Variants in CYP51A1 observed in about 807,000 individuals in gnomAD.
The protein encoded by CYP51A1 is lanosterol 14-alpha demethylase.
Under a neutral mutation model 53.5 loss-of-function variants are expected in CYP51A1, and 45 were observed. The observed-to-expected ratio is 0.84, with a 90% CI of 0.66 to 1.08. The LOEUF is 1.08. Among genes scored for constraint, CYP51A1 ranks in the 50% least tolerant of loss-of-function variants. CYP51A1 has a pLI of 0.00. For missense variants in CYP51A1, 462 were observed against 621.7 expected, an observed-to-expected ratio of 0.74 and a Z score of 2.73; for synonymous variants, 181 against 217.7, an observed-to-expected ratio of 0.83 and a Z score of 1.48.
At chr7:92,130,147 G>T (rs1002707219) in intron 2 of CYP51A1, among the ~76,000 whole-genome samples, 7 of 152,188 alleles carry the variant, frequency 4.6e-5, no homozygotes, top group Non-Finnish European at 7.3e-5. Flanking sequence ...AAATATAGTT[G>T]TAATAAAATC....
rs1819433766 is a variant in CYP51A1, at chr7:92,112,661, T to G, written c.*1004A>C. 1 of 151,888 alleles carries G rather than the reference T, an allele frequency of 6.6e-6. No homozygotes were observed. Among genetic ancestry groups the G allele is most frequent in the Non-Finnish European group, 1.5e-5 (1 of 67,980 alleles). 9.4% of individuals were successfully genotyped at this position (151,888 alleles called of 1,614,324 possible). ...TAGCCAACATAGTGAAACCCCCGTC[T>G]CTACTAAAAATACAAAAAATTAGCC... is the stretch of plus-strand genomic sequence containing the variant. On this transcript the variant is annotated 3_prime_UTR_variant, in exon 10 of 10. Transcript: ENST00000003100.
chr7:92,120,257 T>C (rs1469900055), intron 7 of CYP51A1, among the ~76,000 whole-genome samples: 1 of 152,150 alleles, frequency 6.6e-6, no homozygotes, highest in South Asian at 2.1e-4. Flanking sequence ...ACTGACACAC[T>C]GACCCCAAAA....
At chr7:92,130,468 A>G (rs915065062) in intron 2 of CYP51A1, among the ~76,000 whole-genome samples, 3 of 152,220 alleles carry the variant, frequency 2.0e-5, no homozygotes, top group African/African-American at 7.2e-5. Context: ...GCCACTGTCT[A>G]GCAGTGAGTC....
At chr7:92,122,758 G>A (rs971257086) in intron 7 of CYP51A1, among the ~76,000 whole-genome samples, 5 of 152,082 alleles carry the variant, frequency 3.3e-5, no homozygotes, top group African/African-American at 4.8e-5. Context: ...CTCATGCCCA[G>A]GCCACTCTGG....
At chr7:92,117,326 TTATGA>T (rs1819599249) in intron 8 of CYP51A1, 114 bp from the exon 9 acceptor site, 1 of 828,746 alleles carries the variant, frequency 1.2e-6, no homozygotes, top group Non-Finnish European at 1.8e-6. Context: ...GCTCCTTGAC[TTATGA>T]TAGGTTTACA....
chr7:92,134,165 G>GT lies in CYP51A1; in HGVS notation c.192+7dup. On this transcript the variant is annotated splice_region_variant and intron_variant, in intron 1 of 9. Transcript: ENST00000003100. ...GCGCCCCACTCAGACCCTAAAGAAT[G>GT]TACGTACCACCCCTGCGGGCAGCTG... The GT allele has an allele frequency of 2.5e-6, 4 of 1,611,182 alleles. No individual in the cohort carries two copies. Among genetic ancestry groups the GT allele is most frequent in the Non-Finnish European group, 3.4e-6 (4 of 1,179,522 alleles).
intron 5 of CYP51A1, among the ~76,000 whole-genome samples, chr7:92,125,314 C>T (rs1019817768): frequency 1.3e-5 from 2 of 152,100 alleles, no homozygotes; most frequent in African/African-American, 2.4e-5. Flanking sequence ...TCTCTCCTGG[C>T]TCTTCCTTTT....
chr7:92,132,421 T>C (rs926613682), intron 1 of CYP51A1, among the ~76,000 whole-genome samples: 1 of 152,222 alleles, frequency 6.6e-6, no homozygotes, highest in Admixed American at 6.5e-5. Flanking sequence ...ATATAAACTG[T>C]TATTAAACTG....
rs1819382784 is a variant in CYP51A1, at chr7:92,112,302, G to A, written c.*1363C>T. On this transcript the variant is annotated 3_prime_UTR_variant, in exon 10 of 10. Coordinates refer to ENST00000003100, the MANE Select transcript of CYP51A1 (RefSeq NM_000786.4). ...ATCACCTAGTGAAAACAGACGATGTGGTATTTTTTCAGCCATCTCATATAG... is the reference window on the plus strand; with the variant it reads ...ATCACCTAGTGAAAACAGACGATGTAGTATTTTTTCAGCCATCTCATATAG... The A allele has an allele frequency of 6.6e-6, 1 of 151,992 alleles. No individual in the cohort carries two copies. Among genetic ancestry groups the A allele is most frequent in the Non-Finnish European group, 1.5e-5 (1 of 68,000 alleles). 9.4% of individuals were successfully genotyped at this position (151,992 alleles called of 1,614,324 possible).
At chr7:92,117,239 T>C in intron 8 of CYP51A1, 27 bp from the exon 9 acceptor site, 1 of 1,591,254 alleles carries the variant, frequency 6.3e-7, no homozygotes, top group South Asian at 1.1e-5. Context: ...CACATTTCAT[T>C]AGAGAATTTA....
chr7:92,121,342 T>C (rs1030067677), intron 7 of CYP51A1, among the ~76,000 whole-genome samples: 2 of 151,774 alleles, frequency 1.3e-5, no homozygotes, highest in African/African-American at 4.8e-5. Flanking sequence ...AGTAACAAGT[T>C]TGGTGAGGGG....
chr7:92,116,899 TAAAG>T (rs1415880477), intron 9 of CYP51A1, 141 bp downstream of exon 9: 15 of 654,896 alleles, frequency 2.3e-5, no homozygotes, highest in Non-Finnish European at 3.7e-5. Flanking sequence ...CTCCAACTTA[TAAAG>T]ATTCTTCTCC....
At chr7:92,116,509 G>A (rs1819581351) in intron 9 of CYP51A1, among the ~76,000 whole-genome samples, 1 of 152,096 alleles carries the variant, frequency 6.6e-6, no homozygotes, top group East Asian at 1.9e-4. Context: ...GAGAAACAAG[G>A]GTATAGCTAA....
At chr7:92,114,349 A>G (rs1819537515) in intron 9 of CYP51A1, among the ~76,000 whole-genome samples, 1 of 152,228 alleles carries the variant, frequency 6.6e-6, no homozygotes, top group African/African-American at 2.4e-5. Flanking sequence ...AGGACCTAGG[A>G]TATCCAAAGC....
intron 7 of CYP51A1, among the ~76,000 whole-genome samples, chr7:92,120,977 C>T (rs1819680230): frequency 1.3e-5 from 2 of 152,032 alleles, no homozygotes; most frequent in Admixed American, 1.3e-4. Context: ...TCACTAGTCA[C>T]CAGGGAAATG....
In CYP51A1 at chr7:92,112,224, T is replaced by C. The variant is rs1183380716; in HGVS notation, c.*1441A>G. 1 of 152,188 alleles carries C rather than the reference T, an allele frequency of 6.6e-6. No homozygotes were observed. 9.4% of individuals were successfully genotyped at this position (152,188 alleles called of 1,614,324 possible). On this transcript the variant is annotated 3_prime_UTR_variant, in exon 10 of 10. Transcript: ENST00000003100. ...CTTCACAATTAGAGTTTAACATGAG[T>C]CTTCCAGTGTTTTAAAAAGAACTGT...
intron 7 of CYP51A1, among the ~76,000 whole-genome samples, chr7:92,121,440 A>G (rs2130947231): frequency 6.6e-6 from 1 of 152,252 alleles, no homozygotes; most frequent in East Asian, 1.9e-4. Context: ...CTTCAAAGTT[A>G]CCTTATAACC....
intron 9 of CYP51A1, among the ~76,000 whole-genome samples, chr7:92,115,058 G>T (rs1476653249): frequency 1.3e-5 from 2 of 152,182 alleles, no homozygotes; most frequent in African/African-American, 4.8e-5. Flanking sequence ...CAACAAGCAA[G>T]AAGTATCCTA....
intron 6 of CYP51A1, 55 bp downstream of exon 6, chr7:92,123,679 G>A (rs1819736919): frequency 1.3e-6 from 2 of 1,500,430 alleles, no homozygotes; most frequent in Non-Finnish European, 1.8e-6. Context: ...ATTTAACTGT[G>A]TTTTAATGTG....
Sources: allele counts gnomAD v4.1 joint callset (sites outside exome capture counted in the v4.1 genomes callset), GRCh38; gene constraint gnomAD v4.1.1; transcripts MANE v1.5; gene names NCBI Gene and HGNC (gene_info 2026-07-23, HGNC 2026-07-21).